Variants in CSMD2 observed in about 807,000 individuals in gnomAD.
CSMD2 encodes the protein CUB and Sushi multiple domains 2.
Under a neutral mutation model 398.5 loss-of-function variants are expected in CSMD2, and 130 were observed. That is an observed-to-expected ratio of 0.33 (90% CI 0.28 to 0.38). The LOEUF is 0.38. Among genes scored for constraint, CSMD2 ranks in the 10% least tolerant of loss-of-function variants. The pLI, the probability that CSMD2 is intolerant of heterozygous loss-of-function variation, is 1.00. For synonymous variants in CSMD2, 1,828 were observed against 1,908.5 expected (o/e 0.96, Z 1.10); for missense variants, 3,829 against 4,764.9 (o/e 0.80, Z 5.78).
Position 34,165,140 on chromosome 1 carries a change from GAGGAGAAAGGAGGTC to G in CSMD2, c.-58_-44del, listed in dbSNP as rs1293483478. 20 of 1,208,578 alleles carry G rather than the reference GAGGAGAAAGGAGGTC, an allele frequency of 1.7e-5. No individual in the cohort carries two copies. Among genetic ancestry groups the G allele is most frequent in the Non-Finnish European group, 2.0e-5 (19 of 972,902 alleles). The allele number at this position is 1,208,578 out of a possible 1,614,324, so 74.9% of individuals were successfully genotyped here. A position where few individuals can be genotyped will look rare whatever the true frequency, so the allele number is the denominator to read the frequency against. ...CGAGGGAGAGGCTCCGCTCGCCGCC[GAGGAGAAAGGAGGTC>G]AGGAGAGCTCTGGAGCTTTTTTCTG... On this transcript the variant is annotated 5_prime_UTR_variant, in exon 1 of 71. Coordinates refer to ENST00000373381, the MANE Select transcript of CSMD2 (RefSeq NM_001281956.2).
intron 25 of CSMD2, among the ~76,000 whole-genome samples, chr1:33,690,378 A>G (rs1645196347): frequency 6.6e-6 from 1 of 152,114 alleles, no homozygotes. Context: ...CTTTTCCAGA[A>G]TAACTTCTCC....
chr1:34,008,672 C>A (rs1647140853), intron 3 of CSMD2, among the ~76,000 whole-genome samples: 1 of 152,148 alleles, frequency 6.6e-6, no homozygotes, highest in Non-Finnish European at 1.5e-5. Context: ...AAAGTTGGAG[C>A]TTTGTAGGAA....
At chr1:33,878,847 C>G (rs1641032200) in intron 5 of CSMD2, among the ~76,000 whole-genome samples, 1 of 152,194 alleles carries the variant, frequency 6.6e-6, no homozygotes, top group African/African-American at 2.4e-5. Context: ...GGGAGGGGGA[C>G]AGGGTGCTAT....
intron 55 of CSMD2, among the ~76,000 whole-genome samples, chr1:33,551,214 T>C (rs946590012): frequency 1.3e-5 from 2 of 152,146 alleles, no homozygotes; most frequent in Non-Finnish European, 2.9e-5. Flanking sequence ...AAGCCAAGGA[T>C]GCTGGGACTG....
chr1:33,922,255 G>A (rs1643967983), intron 4 of CSMD2, among the ~76,000 whole-genome samples: 1 of 152,156 alleles, frequency 6.6e-6, no homozygotes, highest in African/African-American at 2.4e-5. Context: ...GCTGGGGACT[G>A]AACAGACCTG....
intron 3 of CSMD2, among the ~76,000 whole-genome samples, chr1:33,969,274 T>C (rs115618414): frequency 0.012 from 1,785 of 152,360 alleles, 31 homozygotes; most frequent in African/African-American, 0.041. Flanking sequence ...TTACATTGGT[T>C]ACATTTTTAA....
intron 9 of CSMD2, among the ~76,000 whole-genome samples, chr1:33,811,378 G>T (rs907982730): frequency 4.6e-5 from 7 of 152,108 alleles, no homozygotes; most frequent in African/African-American, 1.4e-4. Flanking sequence ...CTGCCCCTCA[G>T]TTCCTTCCTC....
intron 2 of CSMD2, among the ~76,000 whole-genome samples, chr1:34,073,498 G>T (rs996713035): frequency 6.6e-5 from 10 of 152,182 alleles, no homozygotes; most frequent in Non-Finnish European, 1.5e-4. Flanking sequence ...GTTAACAGCG[G>T]TTACCTCTAG....
chr1:33,626,402 G>T (rs1264240044), intron 33 of CSMD2, 84 bp downstream of exon 33: 5 of 945,720 alleles, frequency 5.3e-6, no homozygotes, highest in African/African-American at 3.3e-5. Context: ...TCAGACTAGA[G>T]GTCAAAGATC....
intron 12 of CSMD2, among the ~76,000 whole-genome samples, chr1:33,778,772 G>A (rs1652328299): frequency 6.6e-6 from 1 of 152,182 alleles, no homozygotes; most frequent in Non-Finnish European, 1.5e-5. Context: ...AGAGGATGTA[G>A]ACCTGACCAC....
intron 25 of CSMD2, among the ~76,000 whole-genome samples, chr1:33,687,473 G>A (rs185046233): frequency 6.6e-6 from 1 of 151,996 alleles, no homozygotes; most frequent in Non-Finnish European, 1.5e-5. Context: ...AAGATCACTG[G>A]CAAAATAAAA....
chr1:33,984,335 C>A (rs877806), intron 3 of CSMD2, among the ~76,000 whole-genome samples: 35,025 of 151,752 alleles, frequency 0.23, 4,926 homozygotes, highest in Non-Finnish European at 0.32. Flanking sequence ...CTTGAAAGTG[C>A]AACAGGTTCT....
At chr1:33,557,617 GACACACACACACACACAC>G (rs10579079) in intron 55 of CSMD2, 99 bp downstream of exon 55, 9 of 661,354 alleles carry the variant, frequency 1.4e-5, no homozygotes, top group African/African-American at 7.4e-5. Flanking sequence ...TACATGTGCA[GACACACACACACACACAC>G]ACACACACAC....
In CSMD2 at chr1:33,636,062, T is replaced by A. The variant is rs1017736905; in HGVS notation, c.4969+298A>T. The stretch of plus-strand genomic sequence containing the variant: ...AGTCCAGGAGCCACCTTTAAATGAC[T>A]TCTCCCTGGTGTGAGCTCCCTGATG... On this transcript the variant is annotated intron_variant, in intron 30 of 70. Transcript: ENST00000373381. The surrounding 1 kb of genome is among the most constrained non-coding windows in gnomAD (Gnocchi z 4.8). Among the ~76,000 whole-genome samples, 1 of 152,156 alleles carries A rather than the reference T, an allele frequency of 6.6e-6. No individual in the cohort carries two copies. Among genetic ancestry groups the A allele is most frequent in the African/African-American group, 2.4e-5 (1 of 41,426 alleles).
chr1:33,925,425 C>A (rs887632497), intron 4 of CSMD2, among the ~76,000 whole-genome samples: 2 of 152,044 alleles, frequency 1.3e-5, no homozygotes, highest in African/African-American at 4.8e-5. Flanking sequence ...ATACTAATAC[C>A]ATCCTGTTTT....
At chr1:33,840,542 G>A (rs1660749838) in intron 6 of CSMD2, among the ~76,000 whole-genome samples, 1 of 152,214 alleles carries the variant, frequency 6.6e-6, no homozygotes, top group African/African-American at 2.4e-5. Flanking sequence ...TATATTCTGT[G>A]ATGACACTGA....
intron 28 of CSMD2, among the ~76,000 whole-genome samples, chr1:33,650,814 G>C (rs1643717486): frequency 6.6e-6 from 1 of 152,122 alleles, no homozygotes; most frequent in Middle Eastern, 3.2e-3. Flanking sequence ...ACCCCAGAGA[G>C]TTCCAAATGC....
intron 2 of CSMD2, among the ~76,000 whole-genome samples, chr1:34,066,998 A>T (rs1009342226): frequency 6.6e-6 from 1 of 152,164 alleles, no homozygotes; most frequent in African/African-American, 2.4e-5. Flanking sequence ...ATGCCCTCGC[A>T]GATTCATGGA....
intron 7 of CSMD2, 37 bp downstream of exon 7, chr1:33,825,660 A>G: frequency 6.3e-7 from 1 of 1,596,954 alleles, no homozygotes; most frequent in Non-Finnish European, 8.6e-7. Context: ...ACCTCAAGCA[A>G]GAGGCCCGGC....
Sources: allele counts gnomAD v4.1 joint callset (sites outside exome capture counted in the v4.1 genomes callset), GRCh38; gene constraint gnomAD v4.1.1; non-coding constraint Gnocchi (gnomAD v3.1); transcripts MANE v1.5; gene names NCBI Gene and HGNC (gene_info 2026-07-23, HGNC 2026-07-21).